Variants in FBXL3 observed in about 807,000 individuals in gnomAD.
FBXL3 encodes the protein F-box and leucine rich repeat protein 3, also known as F-box/LRR-repeat protein 3.
A neutral mutation model predicts 37.9 loss-of-function variants in FBXL3; 14 were observed. The ratio of observed to expected loss-of-function variants is 0.37; its 90% CI spans 0.24 to 0.58. FBXL3 has a LOEUF of 0.58. FBXL3 is among the 20% of genes least tolerant of loss of function. The pLI is 0.74. For missense variants in FBXL3, 327 were observed against 511.1 expected (o/e 0.64, Z 3.47); for synonymous variants, 194 against 180.1 (o/e 1.08, Z -0.62).
At chr13:77,017,818 T>C (rs980851135) in intron 3 of FBXL3, 2 of 152,138 alleles carry the variant, frequency 1.3e-5, no homozygotes, top group African/African-American at 2.4e-5. Context: ...ATATATTCAA[T>C]TTAGTTATAT....
At chr13:77,017,309 T>C (rs1454540741) in intron 3 of FBXL3, 2 of 152,210 alleles carry the variant, frequency 1.3e-5, no homozygotes, top group Non-Finnish European at 2.9e-5. Context: ...AACATATCCT[T>C]TAATATGGTA....
rs374431043 is a variant in FBXL3 at position 77,018,626 on chromosome 13, G to C, written c.445C>G (p.Arg149Gly). 8 of 1,593,574 alleles carry C rather than the reference G, an allele frequency of 5.0e-6. No homozygotes were observed. Among genetic ancestry groups the C allele is most frequent in the Non-Finnish European group, 6.8e-6 (8 of 1,171,488 alleles). The change falls in exon 3 of 5, where the codon CGA becomes GGA. Residue 149 changes from arginine to glycine, a missense_variant. By Grantham distance (125) the Arg-to-Gly change is moderately radical. Transcript: ENST00000355619. ...TTTGGTAAATCCATAAAGCTTGGTC[G>C]AGCAGTTGAAATAAGTCCAAGTGTT... is the stretch of plus-strand genomic sequence containing the variant. ...LKTLGLISTA[R>G]PSFMDLPKSH...
At position 77,027,053 on chromosome 13, in the gene FBXL3, G is replaced by A. The variant is rs2034857799; in HGVS notation, c.-228C>T. On this transcript the variant is annotated 5_prime_UTR_variant, in exon 1 of 5. Coordinates refer to ENST00000355619, the MANE Select transcript of FBXL3 (RefSeq NM_012158.4). ...GCCCAGAAAGAAGCTTTCCTTCTCA[G>A]TCCCGCGCTGTCTGTGTTCAGGGAT... is the stretch of plus-strand genomic sequence containing the variant. The A allele has an allele frequency of 6.6e-6, 1 of 151,960 alleles. No homozygotes were observed. The highest frequency in any genetic ancestry group is 6.6e-5 in the Admixed American group (1 of 15,252). The allele number at this position is 151,960 out of a possible 1,614,324, so 9.4% of individuals were successfully genotyped here. A position where few individuals can be genotyped will look rare whatever the true frequency, so the allele number is the denominator to read the frequency against.
intron 3 of FBXL3, chr13:77,017,263 T>C (rs2034660091): frequency 6.6e-6 from 1 of 152,134 alleles, no homozygotes; most frequent in South Asian, 2.1e-4. Flanking sequence ...GATATATGCA[T>C]AGTGATAAGA....
Position 77,007,439 on chromosome 13 carries a change from G to T in FBXL3, c.993C>A (p.Cys331Ter). 6.2e-7 allele frequency: 1 copy of T among 1,614,102 alleles called. No individual in the cohort carries two copies. The highest frequency in any genetic ancestry group is 8.5e-7 in the Non-Finnish European group (1 of 1,180,022). The change falls in exon 5 of 5, where the codon TGC becomes TGA. Residue 331 changes from cysteine to a stop codon, truncating the protein, a stop_gained. Coordinates refer to ENST00000355619, the MANE Select transcript of FBXL3 (RefSeq NM_012158.4). LOFTEE classifies it high-confidence loss of function. ...ACACTACTAGTTCAACCAGTCTAGG[G>T]CATGTCATTCCCACACGGCCAAGCA... ...KDVLGRVGMT[C>*]PRLVELVVCA...
In FBXL3 at chr13:77,027,129, T is replaced by G. The variant is rs1343131975; in HGVS notation, c.-304A>C. 1.3e-5 allele frequency: 2 copies of G among 150,832 alleles called. No individual in the cohort carries two copies. The highest frequency in any genetic ancestry group is 4.9e-5 in the African/African-American group (2 of 40,968). 9.3% of individuals were successfully genotyped at this position (150,832 alleles called of 1,614,324 possible). A position where few individuals can be genotyped will look rare whatever the true frequency, so the allele number is the denominator to read the frequency against. The stretch of plus-strand genomic sequence containing the variant: ...AGCGAGCGGCTGCCACCGCGTAAGC[T>G]TCCTGCACCTGGGCCACAAACAGCG... On this transcript the variant is annotated 5_prime_UTR_variant, in exon 1 of 5. Transcript: ENST00000355619.
intron 2 of FBXL3, among the ~76,000 whole-genome samples, chr13:77,019,558 T>G (rs2034704873): frequency 6.6e-6 from 1 of 152,186 alleles, no homozygotes; most frequent in Non-Finnish European, 1.5e-5. Context: ...TCCCTGAGAC[T>G]AGCAGCATCA....
chr13:77,010,133 TAGG>T (rs1450369355), intron 4 of FBXL3: 2 of 152,102 alleles, frequency 1.3e-5, no homozygotes, highest in East Asian at 3.8e-4. Context: ...GGAATAGCAT[TAGG>T]AGAAATACCT....
intron 3 of FBXL3, 47 bp from the exon 4 acceptor site, chr13:77,015,627 A>G (rs774182837): frequency 4.6e-6 from 6 of 1,313,300 alleles, no homozygotes; most frequent in Non-Finnish European, 6.1e-6. Context: ...ATTTTTAGAA[A>G]TGAGAATCAA....
rs34255078 is a variant in FBXL3 at position 77,011,344 on chromosome 13, C to CAAAAAAAAA, written c.644-3565_644-3557dup. ...GGCAACAAGAAGGAGACTTTGTCTCCAAAAAAAAAAAAAAAAAATAGGCAA... is the reference window on the plus strand; with the variant it reads ...GGCAACAAGAAGGAGACTTTGTCTCCAAAAAAAAAAAAAAAAAAAAAAAAAAATAGGCAA... On this transcript the variant is annotated intron_variant, in intron 4 of 4. Transcript: ENST00000355619. Among the ~76,000 whole-genome samples, 439 of 74,900 alleles carry CAAAAAAAAA rather than the reference C, an allele frequency of 5.9e-3. 6 individuals are homozygous for CAAAAAAAAA. Among genetic ancestry groups the CAAAAAAAAA allele is most frequent in the African/African-American group, 0.021 (419 of 20,086 alleles). The allele number at this position is 74,900 out of a possible 152,430, so 49.1% of individuals were successfully genotyped here.
In FBXL3 at chr13:77,007,074, G is replaced by C; in HGVS notation, c.*71C>G. On this transcript the variant is annotated 3_prime_UTR_variant, in exon 5 of 5. Coordinates refer to ENST00000355619, the MANE Select transcript of FBXL3 (RefSeq NM_012158.4). The stretch of plus-strand genomic sequence containing the variant: ...GCCACAAAATAGTAGAATTATATCA[G>C]AACTACAGCAAATAAAACTTTAATT... 6.6e-7 allele frequency: 1 copy of C among 1,507,526 alleles called. No homozygotes were observed. The highest frequency in any genetic ancestry group is 8.8e-7 in the Non-Finnish European group (1 of 1,136,016). The allele number at this position is 1,507,526 out of a possible 1,614,324, so 93.4% of individuals were successfully genotyped here.
chr13:77,021,562 T>C lies in FBXL3; in HGVS notation c.299A>G (p.Lys100Arg), dbSNP rs770675461. 5.6e-6 allele frequency: 9 copies of C among 1,614,010 alleles called. No individual in the cohort carries two copies. In the Admixed American group the frequency reaches 1.5e-4, roughly 27 times the overall value. ...GTTTGAATGTCTTTTAATAATCTGTTTGATCAGCTCTGGATGGGTAGCTTT... is the reference window on the plus strand; with the variant it reads ...GTTTGAATGTCTTTTAATAATCTGTCTGATCAGCTCTGGATGGGTAGCTTT... ...YLKATHPELI[K>R]QIIKRHSNHL... Residue 100 changes from lysine to arginine, a missense_variant, in exon 2 of 5, where the codon AAA (lysine) becomes AGA (arginine). By Grantham distance (26) the Lys-to-Arg change is conservative (BLOSUM62 2). Transcript: ENST00000355619.
intron 4 of FBXL3, among the ~76,000 whole-genome samples, chr13:77,011,460 G>A (rs1028361843): frequency 5.3e-5 from 8 of 151,408 alleles, no homozygotes; most frequent in South Asian, 2.1e-4. Context: ...GGTGGCTCTC[G>A]CCTATAATCC....
intron 1 of FBXL3, among the ~76,000 whole-genome samples, chr13:77,025,773 G>A (rs1484747357): frequency 6.6e-6 from 1 of 150,772 alleles, no homozygotes; most frequent in Admixed American, 6.6e-5. Context: ...CGTGTGCATC[G>A]TTGTATTAGG....
chr13:77,021,366 C>T (rs1426469156), intron 2 of FBXL3, 147 bp downstream of exon 2: 2 of 518,046 alleles, frequency 3.9e-6, no homozygotes, highest in African/African-American at 3.8e-5. Flanking sequence ...TATTTTGTGA[C>T]AGCTTCTAAG....
At chr13:77,026,182 G>C (rs1243798849) in intron 1 of FBXL3, 1 of 985,248 alleles carries the variant, frequency 1.0e-6, no homozygotes, top group East Asian at 1.1e-4. Flanking sequence ...TCTCAGCTTG[G>C]AGATACAGAC....
chr13:77,012,564 A>G (rs1017230476), intron 4 of FBXL3, among the ~76,000 whole-genome samples: 21 of 152,256 alleles, frequency 1.4e-4, no homozygotes, highest in African/African-American at 5.1e-4. Context: ...CAACAGGCAA[A>G]CTAACCTAGA....
chr13:77,007,322 T>C lies in FBXL3; in HGVS notation c.1110A>G (p.Glu370=). The part of the protein sequence containing the change: ...NLSAIGLGEC[E]VSCSAFVEFV... The stretch of plus-strand genomic sequence containing the variant: ...ACTCAACAAAGGCACTACATGAGAC[T>C]TCACATTCCCCTAGTCCAATAGCTG... The change falls in exon 5 of 5, where the codon GAA becomes GAG. Residue 370 remains glutamate (E), a synonymous_variant. Coordinates refer to ENST00000355619, the MANE Select transcript of FBXL3 (RefSeq NM_012158.4). 1.9e-6 allele frequency: 3 copies of C among 1,614,192 alleles called. 1 individual carries two copies. Among genetic ancestry groups the C allele is most frequent in the South Asian group, 1.1e-5 (1 of 91,084 alleles).
chr13:77,021,065 A>G (rs1174865434), intron 2 of FBXL3, among the ~76,000 whole-genome samples: 1 of 152,216 alleles, frequency 6.6e-6, no homozygotes, highest in African/African-American at 2.4e-5. Context: ...ATATTCATCT[A>G]AATCTTCTAC....
Sources: gnomAD v4.1 joint callset for allele counts (sites outside exome capture counted in the v4.1 genomes callset) on GRCh38, gnomAD v4.1.1 for gene constraint, MANE v1.5 for transcripts, NCBI Gene and HGNC (gene_info 2026-07-23, HGNC 2026-07-21) for gene names.